The following XYLT1 variants were observed in gnomAD, a reference collection of about 807,000 sequenced individuals.
XYLT1 encodes xylosyltransferase 1.
A neutral mutation model predicts 91.3 loss-of-function variants in XYLT1; 36 were observed. The ratio of observed to expected loss-of-function variants is 0.39; its 90% CI spans 0.30 to 0.52. XYLT1 has a LOEUF of 0.52. Among genes scored for constraint, XYLT1 ranks in the 20% least tolerant of loss-of-function variants. The pLI, the probability that XYLT1 is intolerant of heterozygous loss-of-function variation, is 0.68. For missense variants in XYLT1, 1,242 were observed against 1,284.5 expected (o/e 0.97, Z 0.51); for synonymous variants, 588 against 532.0 (o/e 1.11, Z -1.45).
At chr16:17,458,936 G>C (rs1036120346) in intron 1 of XYLT1, among the ~76,000 whole-genome samples, 1 of 151,978 alleles carries the variant, frequency 6.6e-6, no homozygotes, top group Non-Finnish European at 1.5e-5. Context: ...AGTGCATCTG[G>C]GATGTTGTCA....
chr16:17,353,418 G>C (rs186501405), intron 2 of XYLT1, among the ~76,000 whole-genome samples: 1 of 152,156 alleles, frequency 6.6e-6, no homozygotes, highest in African/African-American at 2.4e-5. Flanking sequence ...AGTTGGAGTG[G>C]ATTCAGAAAT....
chr16:17,198,170 G>A, intron 5 of XYLT1, 42 bp downstream of exon 5: 1 of 1,607,534 alleles, frequency 6.2e-7, no homozygotes, highest in African/African-American at 1.3e-5. Flanking sequence ...AGCCAGAGCA[G>A]GACGTCAGAC....
At chr16:17,211,248 G>A (rs1245143735) in intron 3 of XYLT1, among the ~76,000 whole-genome samples, 1 of 152,160 alleles carries the variant, frequency 6.6e-6, no homozygotes, top group Admixed American at 6.5e-5. Flanking sequence ...ACTAGGATGT[G>A]CTGAGTTTGT....
At chr16:17,185,438 A>G (rs1443097281) in intron 5 of XYLT1, among the ~76,000 whole-genome samples, 1 of 152,180 alleles carries the variant, frequency 6.6e-6, no homozygotes, top group Non-Finnish European at 1.5e-5. Flanking sequence ...CAGGAAGCAG[A>G]GTGTGTGTCT....
At chr16:17,271,309 G>T (rs1466575332) in intron 2 of XYLT1, among the ~76,000 whole-genome samples, 1 of 152,094 alleles carries the variant, frequency 6.6e-6, no homozygotes, top group African/African-American at 2.4e-5. Context: ...GAGAAAGGGG[G>T]TGTGGTAGAG....
At chr16:17,152,071 C>CT (rs1206143670) in intron 6 of XYLT1, among the ~76,000 whole-genome samples, 10 of 152,208 alleles carry the variant, frequency 6.6e-5, no homozygotes, top group African/African-American at 2.2e-4. Flanking sequence ...TGTTTACTGC[C>CT]TTTTTTCTGA....
At chr16:17,188,129 C>G (rs1232741556) in intron 5 of XYLT1, among the ~76,000 whole-genome samples, 1 of 151,406 alleles carries the variant, frequency 6.6e-6, no homozygotes, top group African/African-American at 2.5e-5. Flanking sequence ...TCTAGGACAC[C>G]TGCTTCTGCC....
At chr16:17,186,730 C>T (rs566533423) in intron 5 of XYLT1, among the ~76,000 whole-genome samples, 4 of 152,226 alleles carry the variant, frequency 2.6e-5, no homozygotes, top group South Asian at 2.1e-4. Flanking sequence ...CATAGCCTGA[C>T]GCATGACGGG....
At chr16:17,287,701 G>T (rs2034162416) in intron 2 of XYLT1, among the ~76,000 whole-genome samples, 1 of 152,166 alleles carries the variant, frequency 6.6e-6, no homozygotes, top group African/African-American at 2.4e-5. Context: ...TGGAGAGGAA[G>T]AAAGCAAATC....
chr16:17,363,989 T>C (rs1023813749), intron 1 of XYLT1, among the ~76,000 whole-genome samples: 2 of 152,200 alleles, frequency 1.3e-5, no homozygotes, highest in Non-Finnish European at 2.9e-5. Flanking sequence ...CAAATTTCCT[T>C]TTCTTATAAA....
chr16:17,134,476 C>T lies in XYLT1; in HGVS notation c.2024G>A (p.Cys675Tyr). The change falls in exon 9 of 12, where the codon TGC (cysteine) becomes TAC (tyrosine). Residue 675 changes from cysteine (C) to tyrosine (Y), a missense_variant. Coordinates refer to ENST00000261381, the MANE Select transcript of XYLT1 (RefSeq NM_022166.4). The stretch of plus-strand genomic sequence containing the variant: ...CTGCATCCCATATAGGGCTCACCGG[C>T]AGCTGTTCTCCCCATCCGTGTGCAG... ...TSLHTDGENS[C>Y]RYYPMGHPAS... The T allele has an allele frequency of 6.2e-7, 1 of 1,614,068 alleles. No individual in the cohort carries two copies. The highest frequency in any genetic ancestry group is 2.2e-5 in the East Asian group (1 of 44,880).
chr16:17,288,345 T>C (rs2034172469), intron 2 of XYLT1, among the ~76,000 whole-genome samples: 1 of 151,822 alleles, frequency 6.6e-6, no homozygotes, highest in Admixed American at 6.6e-5. Context: ...AGCAAAACCC[T>C]TGGTGTATAA....
At chr16:17,257,098 TATTTGGA>T in intron 3 of XYLT1, among the ~76,000 whole-genome samples, 1 of 152,094 alleles carries the variant, frequency 6.6e-6, no homozygotes, top group East Asian at 1.9e-4. Context: ...CAGGGGTTGG[TATTTGGA>T]TTTAGAAGCG....
At chr16:17,377,305 T>C (rs141856959) in intron 1 of XYLT1, among the ~76,000 whole-genome samples, 110 of 151,416 alleles carry the variant, frequency 7.3e-4, no homozygotes, top group African/African-American at 2.6e-3. Context: ...CTAGTGCCTA[T>C]GTTGTTAACC....
chr16:17,344,230 C>T (rs1014771144), intron 2 of XYLT1, among the ~76,000 whole-genome samples: 2 of 151,842 alleles, frequency 1.3e-5, no homozygotes, highest in African/African-American at 2.4e-5. Context: ...TGCCTGTAAT[C>T]CCAGCACTTT....
At chr16:17,166,603 CT>C in intron 5 of XYLT1, among the ~76,000 whole-genome samples, 1 of 152,204 alleles carries the variant, frequency 6.6e-6, no homozygotes, top group East Asian at 1.9e-4. Context: ...CCTCCACCTC[CT>C]GGGTTCGAGA....
chr16:17,199,227 T>G (rs1291960866), intron 4 of XYLT1, among the ~76,000 whole-genome samples: 2 of 152,322 alleles, frequency 1.3e-5, no homozygotes, highest in East Asian at 3.9e-4. Context: ...TGGACAAGAC[T>G]TCCCCCTTTG....
intron 3 of XYLT1, among the ~76,000 whole-genome samples, chr16:17,228,410 AG>A (rs1489409561): frequency 1.3e-5 from 2 of 152,228 alleles, no homozygotes; most frequent in Non-Finnish European, 2.9e-5. Context: ...GCCTGGTCAC[AG>A]GCAAACCTTG....
intron 1 of XYLT1, among the ~76,000 whole-genome samples, chr16:17,436,404 T>C (rs150989893): frequency 3.2e-4 from 49 of 152,306 alleles, no homozygotes; most frequent in African/African-American, 1.0e-3. Flanking sequence ...CTCATTGCCA[T>C]GATATCGCCT....
Sources: gnomAD v4.1 joint callset for allele counts (sites outside exome capture counted in the v4.1 genomes callset) on GRCh38, gnomAD v4.1.1 for gene constraint, MANE v1.5 for transcripts, NCBI Gene and HGNC (gene_info 2026-07-23, HGNC 2026-07-21) for gene names.